The following CFAP96 variants were observed in gnomAD, a reference collection of about 807,000 sequenced individuals.
CFAP96 encodes the protein cilia and flagella associated protein 96.
the CFAP96 span, chr4:185,413,699 C>A: frequency 1.3e-6 from 2 of 1,588,522 alleles, no homozygotes; most frequent in Non-Finnish European, 1.7e-6. Flanking sequence ...GATCCAGTGA[C>A]TCCCATAAAT....
At chr4:185,440,978 T>A in the CFAP96 span, among the ~76,000 whole-genome samples, 1 of 149,866 alleles carries the variant, frequency 6.7e-6, no homozygotes, top group Non-Finnish European at 1.5e-5. Context: ...TGAGATGGAG[T>A]CTCACTCTTT....
the CFAP96 span, among the ~76,000 whole-genome samples, chr4:185,446,932 C>G: frequency 4.6e-5 from 7 of 152,184 alleles, no homozygotes; most frequent in East Asian, 1.4e-3. Context: ...TATTTTCATG[C>G]ATCTTTTTTT....
the CFAP96 span, chr4:185,429,393 A>G: frequency 6.7e-7 from 1 of 1,492,170 alleles, no homozygotes; most frequent in Non-Finnish European, 9.0e-7. Flanking sequence ...TATAGAGAGT[A>G]CCACCACCAG....
chr4:185,436,314 T>G, the CFAP96 span: 4 of 1,551,288 alleles, frequency 2.6e-6, no homozygotes, highest in Middle Eastern at 1.7e-4. Context: ...GTAAACAGTT[T>G]TCACACTCTG....
the CFAP96 span, chr4:185,418,602 A>G: frequency 1.2e-6 from 2 of 1,613,306 alleles, no homozygotes; most frequent in East Asian, 4.5e-5. Context: ...AAAGCGCAGT[A>G]TGTTCTTACA....
chr4:185,444,993 T>C, the CFAP96 span: 1 of 1,551,460 alleles, frequency 6.4e-7, no homozygotes, highest in South Asian at 1.2e-5. Context: ...GAACATTTGA[T>C]CCTTACCCAT....
the CFAP96 span, among the ~76,000 whole-genome samples, chr4:185,446,246 A>G: frequency 6.6e-6 from 1 of 152,212 alleles, no homozygotes; most frequent in Non-Finnish European, 1.5e-5. Context: ...TTATGAATTA[A>G]AAATACCAGT....
At chr4:185,447,043 A>C in the CFAP96 span, among the ~76,000 whole-genome samples, 1 of 152,060 alleles carries the variant, frequency 6.6e-6, no homozygotes, top group East Asian at 1.9e-4. Flanking sequence ...TCTTCTCTAA[A>C]GTCTGCTAAT....
the CFAP96 span, among the ~76,000 whole-genome samples, chr4:185,412,627 A>C: frequency 6.6e-6 from 1 of 152,188 alleles, no homozygotes; most frequent in African/African-American, 2.4e-5. Flanking sequence ...AAGAACAGGA[A>C]AAAGTGACAC....
At chr4:185,440,618 G>GC in the CFAP96 span, 3 of 1,533,192 alleles carry the variant, frequency 2.0e-6, no homozygotes, top group Non-Finnish European at 1.8e-6. Flanking sequence ...CTATTTTGAC[G>GC]CTAATCCTTA....
the CFAP96 span, among the ~76,000 whole-genome samples, chr4:185,448,382 TAAG>T: frequency 6.6e-6 from 1 of 152,182 alleles, no homozygotes; most frequent in Non-Finnish European, 1.5e-5. Flanking sequence ...TTTATTATAA[TAAG>T]CTAATATAGA....
At chr4:185,438,480 G>C in the CFAP96 span, among the ~76,000 whole-genome samples, 12 of 152,142 alleles carry the variant, frequency 7.9e-5, no homozygotes, top group East Asian at 2.3e-3. Flanking sequence ...GAGCATTCAG[G>C]ATATAGTTAC....
At chr4:185,409,389 T>A in the CFAP96 span, among the ~76,000 whole-genome samples, 1 of 152,152 alleles carries the variant, frequency 6.6e-6, no homozygotes, top group Non-Finnish European at 1.5e-5. Context: ...TGGGTCACAC[T>A]ATGTTGCTCA....
chr4:185,445,152 C>T, the CFAP96 span: 1 of 1,533,986 alleles, frequency 6.5e-7, no homozygotes, highest in Non-Finnish European at 8.8e-7. Flanking sequence ...TTACACTTAG[C>T]TTACAAACTA....
chr4:185,412,202 T>C, the CFAP96 span, among the ~76,000 whole-genome samples: 1 of 152,338 alleles, frequency 6.6e-6, no homozygotes, highest in South Asian at 2.1e-4. Context: ...TCTTACGACC[T>C]TGTAATACAG....
chr4:185,443,342 A>ATATTTT, the CFAP96 span, among the ~76,000 whole-genome samples: 78 of 26,726 alleles, frequency 2.9e-3, 5 homozygotes, highest in African/African-American at 8.5e-3. Context: ...ATATATATAT[A>ATATTTT]TTTTTTTTTT....
the CFAP96 span, among the ~76,000 whole-genome samples, chr4:185,424,750 A>G: frequency 1.3e-5 from 2 of 152,240 alleles, no homozygotes; most frequent in South Asian, 4.1e-4. Context: ...GGAAAGAACA[A>G]ATTTTAACTC....
At chr4:185,445,579 G>T in the CFAP96 span, 1 of 1,283,932 alleles carries the variant, frequency 7.8e-7, no homozygotes, top group Non-Finnish European at 1.1e-6. Context: ...AATTAAAAAT[G>T]CCAACATAAC....
At chr4:185,413,645 A>G in the CFAP96 span, 63,688 of 1,299,218 alleles carry the variant, frequency 0.049, 2,474 homozygotes, top group African/African-American at 0.17. Context: ...TAATGAATCA[A>G]GTCTCCTACT....
Sources: gnomAD v4.1 joint callset for allele counts (sites outside exome capture counted in the v4.1 genomes callset) on GRCh38, gnomAD v4.1.1 for gene constraint, MANE v1.5 for transcripts, NCBI Gene and HGNC (gene_info 2026-07-23, HGNC 2026-07-21) for gene names.